The following SLC9A9 variants were observed in gnomAD, a reference collection of about 807,000 sequenced individuals.
SLC9A9 encodes sodium/hydrogen exchanger 9.
In SLC9A9, 62 loss-of-function variants were observed where a neutral mutation model predicts 77.8. That is an observed-to-expected ratio of 0.80 (90% CI 0.65 to 0.98). The LOEUF is 0.98. SLC9A9 is among the 50% of genes least tolerant of loss of function. The probability of loss-of-function intolerance (pLI) is 0.00; values close to 1 mark genes in which losing one functional copy is unlikely to be tolerated. For synonymous variants in SLC9A9, 320 were observed against 283.5 expected, an observed-to-expected ratio of 1.13 and a Z score of -1.29; for missense variants, 775 against 774.9, an observed-to-expected ratio of 1.00 and a Z score of 0.00.
intron 12 of SLC9A9, among the ~76,000 whole-genome samples, chr3:143,437,289 A>C (rs1031480563): frequency 1.3e-5 from 2 of 152,246 alleles, no homozygotes; most frequent in African/African-American, 4.8e-5. Context: ...TATTTTCTTG[A>C]TTCCTAGTCC....
intron 4 of SLC9A9, among the ~76,000 whole-genome samples, chr3:143,705,051 A>G (rs1374583458): frequency 2.8e-5 from 1 of 35,468 alleles, no homozygotes; most frequent in African/African-American, 9.4e-5. Context: ...ATATAGATAT[A>G]GATATAGATA....
chr3:143,299,353 T>C (rs1274641281), intron 14 of SLC9A9, among the ~76,000 whole-genome samples: 1 of 152,168 alleles, frequency 6.6e-6, no homozygotes, highest in Non-Finnish European at 1.5e-5. Context: ...CAGGGCCATC[T>C]GGGGCTGCTT....
intron 9 of SLC9A9, among the ~76,000 whole-genome samples, chr3:143,543,308 CCTAA>C (rs2036717669): frequency 6.6e-6 from 1 of 152,162 alleles, no homozygotes; most frequent in Non-Finnish European, 1.5e-5. Flanking sequence ...GCGGCCCACC[CCTAA>C]CTATTTCTCT....
Position 143,450,786 on chromosome 3 carries a change from A to G in SLC9A9, c.1469+16251T>C, listed in dbSNP as rs955344580. On this transcript the variant is annotated intron_variant, in intron 12 of 15. Transcript: ENST00000316549. ...AATAAACTGCAGCCCACATGGACAC[A>G]GGCTGCAGTGGAGGCAGCATAGCCA... 3.3e-5 allele frequency among the ~76,000 whole-genome samples: 5 copies of G among 152,328 alleles called. No homozygotes were observed. The East Asian group carries it at 7.7e-4, about 24-fold the overall frequency.
chr3:143,424,760 C>T (rs2034372497), intron 12 of SLC9A9, among the ~76,000 whole-genome samples: 1 of 152,160 alleles, frequency 6.6e-6, no homozygotes, highest in Non-Finnish European at 1.5e-5. Context: ...ACAGATGCTG[C>T]CAACAGGGAG....
chr3:143,738,516 C>G (rs1255309959), intron 4 of SLC9A9, among the ~76,000 whole-genome samples: 1 of 152,006 alleles, frequency 6.6e-6, no homozygotes, highest in Non-Finnish European at 1.5e-5. Flanking sequence ...TAATATTATT[C>G]CTGGGCTGTT....
chr3:143,606,434 C>G (rs200350000), intron 6 of SLC9A9, among the ~76,000 whole-genome samples: 1 of 52,938 alleles, frequency 1.9e-5, no homozygotes, highest in Non-Finnish European at 3.4e-5. Context: ...CTCTCTCTCT[C>G]TCTATATATA....
At position 143,495,387 on chromosome 3, in the gene SLC9A9, A is replaced by C. The variant is rs1559940015; in HGVS notation, c.1151T>G (p.Leu384Arg). 1.2e-6 allele frequency: 2 copies of C among 1,614,218 alleles called. No individual in the cohort carries two copies. The highest frequency in any genetic ancestry group is 3.3e-5 in the Admixed American group (2 of 60,030). The change falls in exon 10 of 16, where the codon CTG (leucine) becomes CGG (arginine). Residue 384 changes from leucine to arginine, a missense_variant. By Grantham distance (102) the Leu-to-Arg change is moderately radical. Transcript: ENST00000316549. ...AAAGATATGATTCTGGAACGTGAAC[A>C]GTGCCAGGCCCATGTAACAGAAGAT... ...NVIFCYMGLALFTFQNHIFNA... is the reference protein window; with the variant it reads ...NVIFCYMGLARFTFQNHIFNA...
chr3:143,520,528 T>G (rs2036279475), intron 9 of SLC9A9, among the ~76,000 whole-genome samples: 2 of 152,210 alleles, frequency 1.3e-5, no homozygotes, highest in African/African-American at 4.8e-5. Flanking sequence ...CTGATAAAGA[T>G]AGTTAACAAA....
At chr3:143,427,204 C>T (rs1301549491) in intron 12 of SLC9A9, among the ~76,000 whole-genome samples, 1 of 152,212 alleles carries the variant, frequency 6.6e-6, no homozygotes, top group Non-Finnish European at 1.5e-5. Context: ...CAGAATATAT[C>T]CATGGAAATG....
intron 12 of SLC9A9, among the ~76,000 whole-genome samples, chr3:143,432,046 C>A (rs542145963): frequency 1.3e-5 from 2 of 152,170 alleles, no homozygotes; most frequent in Non-Finnish European, 1.5e-5. Flanking sequence ...ATTCTCTCTT[C>A]CTCTGCTCAA....
intron 9 of SLC9A9, among the ~76,000 whole-genome samples, chr3:143,516,434 C>T (rs2036204044): frequency 6.6e-6 from 1 of 152,066 alleles, no homozygotes; most frequent in Non-Finnish European, 1.5e-5. Context: ...ACACTGGTAT[C>T]TTAACTCGTT....
chr3:143,805,842 C>G (rs2008697465), intron 2 of SLC9A9, among the ~76,000 whole-genome samples: 1 of 152,164 alleles, frequency 6.6e-6, no homozygotes, highest in South Asian at 2.1e-4. Context: ...TTTTCGGACT[C>G]AGCCCGCCTG....
chr3:143,802,922 C>A (rs535691997), intron 2 of SLC9A9, among the ~76,000 whole-genome samples: 3 of 152,266 alleles, frequency 2.0e-5, no homozygotes, highest in African/African-American at 7.2e-5. Context: ...CAGACACCAG[C>A]CCTCTAGGTG....
chr3:143,287,975 A>T (rs1235215232), intron 14 of SLC9A9, among the ~76,000 whole-genome samples: 1 of 152,236 alleles, frequency 6.6e-6, no homozygotes, highest in East Asian at 1.9e-4. Flanking sequence ...CCTGGAAAAA[A>T]AATTTAGGCT....
At position 143,468,434 on chromosome 3, in the gene SLC9A9, C is replaced by T. The variant is rs553153066; in HGVS notation, c.1316-1244G>A. 4.6e-5 allele frequency among the ~76,000 whole-genome samples: 7 copies of T among 152,342 alleles called. No homozygotes were observed. The East Asian group carries it at 1.2e-3, about 25-fold the overall frequency. Reference sequence around the variant, plus strand: ...CAGTTCTGTACTTTGTTCCATTGATCTATGTGTCTGTCCTTCTTCTAATAG... The same window carrying T: ...CAGTTCTGTACTTTGTTCCATTGATTTATGTGTCTGTCCTTCTTCTAATAG... On this transcript the variant is annotated intron_variant, in intron 11 of 15. Coordinates refer to ENST00000316549, the MANE Select transcript of SLC9A9 (RefSeq NM_173653.4).
At chr3:143,587,844 C>G (rs1434514818) in intron 6 of SLC9A9, among the ~76,000 whole-genome samples, 31 of 152,262 alleles carry the variant, frequency 2.0e-4, no homozygotes, top group Admixed American at 2.0e-3. Flanking sequence ...CAAATAACAG[C>G]AGACCACAGG....
chr3:143,480,943 G>A (rs2035563921), intron 11 of SLC9A9, among the ~76,000 whole-genome samples: 1 of 152,152 alleles, frequency 6.6e-6, no homozygotes, highest in Non-Finnish European at 1.5e-5. Flanking sequence ...AGCTTTTAGA[G>A]GAGCCCAGAC....
intron 4 of SLC9A9, among the ~76,000 whole-genome samples, chr3:143,778,539 T>C (rs908634478): frequency 2.6e-4 from 39 of 152,074 alleles, no homozygotes; most frequent in Non-Finnish European, 2.1e-4. Flanking sequence ...GTACATCCCT[T>C]GTAATCTCAT....
Sources: gnomAD v4.1 joint callset for allele counts (sites outside exome capture counted in the v4.1 genomes callset) on GRCh38, gnomAD v4.1.1 for gene constraint, MANE v1.5 for transcripts, NCBI Gene and HGNC (gene_info 2026-07-23, HGNC 2026-07-21) for gene names.